SLC28A1: variants seen among roughly 807,000 people sequenced by gnomAD.
SLC28A1 encodes solute carrier family 28 member 1.
Under a neutral mutation model 74.8 loss-of-function variants are expected in SLC28A1, and 64 were observed. The ratio of observed to expected loss-of-function variants is 0.86; its 90% confidence interval spans 0.70 to 1.05. SLC28A1 has a LOEUF of 1.05. SLC28A1 is among the 50% of genes least tolerant of loss of function. The probability of loss-of-function intolerance (pLI) is 0.00; values close to 1 mark genes in which losing one functional copy is unlikely to be tolerated. For synonymous variants in SLC28A1, 359 were observed against 335.0 expected (o/e 1.07, Z -0.78); for missense variants, 828 against 822.8 (o/e 1.01, Z -0.08).
chr15:84,944,399 CAA>C (rs1973071833), intron 16 of SLC28A1, among the ~76,000 whole-genome samples, 165 bp from the exon 17 acceptor site: 1 of 152,080 alleles, frequency 6.6e-6, no homozygotes, highest in Non-Finnish European at 1.5e-5. Flanking sequence ...CAAGCCAGGC[CAA>C]AGAGAACTCC....
downstream of SLC28A1, among the ~76,000 whole-genome samples, chr15:84,950,551 T>TA (rs1450137436): frequency 7.2e-5 from 11 of 151,740 alleles, no homozygotes; most frequent in Non-Finnish European, 7.4e-5. Flanking sequence ...CCATAAAAAA[T>TA]AAAAAATTAG....
At chr15:84,894,419 T>A (rs1042982044) in intron 5 of SLC28A1, among the ~76,000 whole-genome samples, 4 of 151,564 alleles carry the variant, frequency 2.6e-5, no homozygotes, top group African/African-American at 9.7e-5. Context: ...CCCTCTGCTA[T>A]CCATTCTTAT....
At chr15:84,921,159 C>A in intron 11 of SLC28A1, 90 bp downstream of exon 11, 2 of 970,470 alleles carry the variant, frequency 2.1e-6, no homozygotes, top group Non-Finnish European at 3.3e-6. Context: ...TGATTCAGTC[C>A]AAGGAAGAGC....
In SLC28A1 at chr15:84,894,996, CTGTT is replaced by C. The variant is rs1280394562; in HGVS notation, c.338_341del (p.Phe113SerfsTer15). ...CCTGGATTTCCAGAGGGCCCTGGCT[CTGTT>C]TGTCCTCACCTGTGTGGTCCTCACC... On this transcript the variant is annotated frameshift_variant, in exon 6 of 19. Transcript: ENST00000394573. LOFTEE classifies it high-confidence loss of function. 6.2e-7 allele frequency: 1 copy of C among 1,614,210 alleles called. No individual in the cohort carries two copies. Among genetic ancestry groups the C allele is most frequent in the Admixed American group, 1.7e-5 (1 of 60,028 alleles).
In SLC28A1 at chr15:84,905,606, C is replaced by T. The variant is rs1307058054; in HGVS notation, c.671C>T (p.Thr224Ile). Reference sequence around the variant, plus strand: ...GTACTTGGACTCCTCGTCATCAGAACAGAACCAGGATTCATTGCGTTCGAG... The same window carrying T: ...GTACTTGGACTCCTCGTCATCAGAATAGAACCAGGATTCATTGCGTTCGAG... ...QFVLGLLVIR[T>I]EPGFIAFEWL... is the part of the protein sequence containing the mutation. Residue 224 changes from threonine (T) to isoleucine (I), a missense_variant, in exon 8 of 19, where the codon ACA (threonine) becomes ATA (isoleucine). Thr to Ile is a moderately conservative substitution (Grantham distance 89, BLOSUM62 -1). Transcript: ENST00000394573. 1.9e-6 allele frequency: 3 copies of T among 1,614,180 alleles called. No homozygotes were observed. Among genetic ancestry groups the T allele is most frequent in the East Asian group, 4.5e-5 (2 of 44,874 alleles).
rs1031414595 is a variant in SLC28A1 at position 84,935,125 on chromosome 15, G to T, written c.1314G>T (p.Val438=). 2.0e-5 allele frequency: 33 copies of T among 1,614,044 alleles called. No individual in the cohort carries two copies. Among genetic ancestry groups the T allele is most frequent in the African/African-American group, 4.0e-5 (3 of 74,924 alleles). The change falls in exon 14 of 19, where the codon GTG becomes GTT. Residue 438 remains valine (V), a synonymous_variant. Transcript: ENST00000394573. ...CCAACCTGATTGCGTTCCTGGCTGT[G>T]CTGGACTTTATCAATGCTGCCCTCT... ...IAANLIAFLA[V]LDFINAALSW...
intron 15 of SLC28A1, among the ~76,000 whole-genome samples, chr15:84,943,079 G>A (rs968232547): frequency 1.5e-4 from 23 of 152,222 alleles, no homozygotes; most frequent in Admixed American, 1.4e-3. Context: ...CCAGCTACTC[G>A]GGAGGCTGAG....
intron 6 of SLC28A1, among the ~76,000 whole-genome samples, chr15:84,900,725 G>A (rs917656089): frequency 6.6e-6 from 1 of 152,026 alleles, no homozygotes; most frequent in Non-Finnish European, 1.5e-5. Context: ...GATCACCTGA[G>A]CACAGAAGGT....
intron 6 of SLC28A1, among the ~76,000 whole-genome samples, chr15:84,901,780 A>G (rs1258474354): frequency 6.6e-6 from 1 of 152,264 alleles, no homozygotes; most frequent in East Asian, 1.9e-4. Flanking sequence ...ATAAAATTGC[A>G]CAATTGCTGT....
At chr15:84,890,044 A>G (rs1000473960) in intron 4 of SLC28A1, among the ~76,000 whole-genome samples, 16 of 152,198 alleles carry the variant, frequency 1.1e-4, no homozygotes, top group African/African-American at 3.9e-4. Context: ...CATGTTGCCC[A>G]GGCTAGTCTT....
intron 13 of SLC28A1, among the ~76,000 whole-genome samples, chr15:84,934,498 G>C (rs1971659718): frequency 6.6e-6 from 1 of 152,142 alleles, no homozygotes; most frequent in African/African-American, 2.4e-5. Context: ...GCACCACATT[G>C]GACACATGTG....
intron 16 of SLC28A1, among the ~76,000 whole-genome samples, chr15:84,943,758 A>C (rs999238932): frequency 6.6e-6 from 1 of 152,060 alleles, no homozygotes; most frequent in African/African-American, 2.4e-5. Context: ...GCAAAACTCT[A>C]TCTCTACTAA....
chr15:84,929,901 A>G (rs1441318228), intron 12 of SLC28A1, among the ~76,000 whole-genome samples: 1 of 151,970 alleles, frequency 6.6e-6, no homozygotes, highest in African/African-American at 2.4e-5. Flanking sequence ...GGGCCCTGGG[A>G]TGCTAGGATG....
intron 12 of SLC28A1, among the ~76,000 whole-genome samples, chr15:84,925,599 C>T (rs1317370512): frequency 6.6e-6 from 1 of 151,810 alleles, no homozygotes; most frequent in African/African-American, 2.4e-5. Flanking sequence ...GACTGTGTTT[C>T]AAAAAAAGAA....
chr15:84,940,123 C>T (rs190452952), intron 15 of SLC28A1, among the ~76,000 whole-genome samples: 70 of 152,258 alleles, frequency 4.6e-4, no homozygotes, highest in African/African-American at 1.4e-3. Context: ...CCACCACGCC[C>T]GGCTCCAGTG....
chr15:84,963,690 G>A, the SLC28A1 span, among the ~76,000 whole-genome samples: 1 of 152,212 alleles, frequency 6.6e-6, no homozygotes, highest in Non-Finnish European at 1.5e-5. Context: ...GTTCACCCAG[G>A]ATGAGACCTG....
chr15:84,940,266 C>A (rs1972498384), intron 15 of SLC28A1, among the ~76,000 whole-genome samples: 1 of 152,084 alleles, frequency 6.6e-6, no homozygotes, highest in African/African-American at 2.4e-5. Flanking sequence ...AATTTCCATG[C>A]CAATTTATAA....
intron 9 of SLC28A1, among the ~76,000 whole-genome samples, chr15:84,912,806 G>GCACACACACACACA (rs199525878): frequency 2.1e-4 from 24 of 112,292 alleles, no homozygotes; most frequent in Admixed American, 9.5e-4. Flanking sequence ...TTGCGCGCGC[G>GCACACACACACACA]CACACACACA....
chr15:84,960,184 T>G, the SLC28A1 span, among the ~76,000 whole-genome samples: 1 of 149,794 alleles, frequency 6.7e-6, no homozygotes, highest in Non-Finnish European at 1.5e-5. Context: ...CCCGTAATCT[T>G]TCTTTAAAAT....
Sources: gnomAD v4.1 joint callset for allele counts (sites outside exome capture counted in the v4.1 genomes callset) on GRCh38, gnomAD v4.1.1 for gene constraint, MANE v1.5 for transcripts, NCBI Gene and HGNC (gene_info 2026-07-23, HGNC 2026-07-21) for gene names.